Variants in ATP11C observed in about 807,000 individuals in gnomAD.
ATP11C encodes the protein phospholipid-transporting ATPase IG.
Under a neutral mutation model 97.4 loss-of-function variants are expected in ATP11C, and 36 were observed. That is an observed-to-expected ratio of 0.37 (90% CI 0.28 to 0.49). The LOEUF (loss-of-function observed/expected upper bound fraction) is 0.49. Ranked by LOEUF, ATP11C falls within the 20% of genes least tolerant of loss-of-function variation. The pLI, the probability that ATP11C is intolerant of heterozygous loss-of-function variation, is 0.98. For missense variants in ATP11C, 730 were observed against 824.6 expected (o/e 0.89, Z 1.40); for synonymous variants, 275 against 290.9 (o/e 0.95, Z 0.56).
rs1211279097 is a variant in ATP11C, at chrX:139,749,971, T to C, written c.2828+54A>G. The C allele has an allele frequency of 4.5e-5, 50 of 1,101,964 alleles. No homozygotes were observed. In the East Asian group the frequency reaches 1.5e-3, roughly 34 times the overall value. 90.8% of individuals were successfully genotyped at this position (1,101,964 alleles called of 1,213,427 possible). A position where few individuals can be genotyped will look rare whatever the true frequency, so the allele number is the denominator to read the frequency against. On this transcript the variant is annotated intron_variant, in intron 24 of 29. Transcript: ENST00000682941. ...GTGTTCTTCCCATCTGCAGATAAAA[T>C]GAAAATCACAACACTGAAAGTCTTA...
intron 1 of ATP11C, among the ~76,000 whole-genome samples, chrX:139,870,949 G>C (rs772603203): frequency 9.3e-6 from 1 of 106,979 alleles, no homozygotes; most frequent in African/African-American, 3.4e-5. Context: ...CCAGCTACTC[G>C]GGAGGCTGAG....
At chrX:139,776,830 A>G (rs113826303) in intron 18 of ATP11C, among the ~76,000 whole-genome samples, 7,133 of 111,487 alleles carry the variant, frequency 0.064, 564 homozygotes, top group African/African-American at 0.22. Flanking sequence ...TGCGGGAGGC[A>G]GTGTGTCAGC....
At chrX:139,772,529 T>C (rs111892511) in intron 19 of ATP11C, among the ~76,000 whole-genome samples, 68 of 111,527 alleles carry the variant, frequency 6.1e-4, no homozygotes, top group Non-Finnish European at 8.5e-4. Flanking sequence ...AATGCCAGCC[T>C]GTGAAAGCAG....
intron 3 of ATP11C, among the ~76,000 whole-genome samples, chrX:139,819,031 A>G (rs1021666563): frequency 8.9e-6 from 1 of 112,024 alleles, no homozygotes; most frequent in Non-Finnish European, 1.9e-5. Flanking sequence ...CAGTTTTGAT[A>G]TATTCCATTT....
intron 1 of ATP11C, among the ~76,000 whole-genome samples, chrX:139,839,667 A>C (rs774337036): frequency 5.4e-5 from 6 of 111,669 alleles, no homozygotes; most frequent in Non-Finnish European, 1.1e-4. Context: ...CTAGGACCAC[A>C]CAACAACCAT....
chrX:139,890,831 C>G (rs1371469667), intron 1 of ATP11C, among the ~76,000 whole-genome samples: 1 of 110,732 alleles, frequency 9.0e-6, no homozygotes, highest in African/African-American at 3.3e-5. Context: ...GAAAATCAGA[C>G]TTGTGATTTT....
At chrX:139,863,231 A>G (rs960911352) in intron 1 of ATP11C, among the ~76,000 whole-genome samples, 2 of 112,689 alleles carry the variant, frequency 1.8e-5, no homozygotes, top group South Asian at 3.7e-4. Context: ...CCTGAGAACT[A>G]TATTAAAATA....
At chrX:139,835,530 G>A (rs1331206175) in intron 1 of ATP11C, among the ~76,000 whole-genome samples, 1 of 109,531 alleles carries the variant, frequency 9.1e-6, no homozygotes, top group Non-Finnish European at 1.9e-5. Context: ...TCAGCCTCCT[G>A]AATAGCTGGG....
intron 18 of ATP11C, among the ~76,000 whole-genome samples, chrX:139,778,329 A>G (rs776670148): frequency 1.9e-3 from 216 of 112,109 alleles, no homozygotes; most frequent in Non-Finnish European, 3.0e-3. Context: ...ACACAGAAAC[A>G]AACGGATGAT....
chrX:139,869,619 TAA>T (rs72160192), intron 1 of ATP11C, among the ~76,000 whole-genome samples: 704 of 54,179 alleles, frequency 0.013, 12 homozygotes, highest in African/African-American at 0.04. Context: ...CCCTCTCTAC[TAA>T]AAAAAAAAAA....
At position 139,768,131 on chromosome X, in the gene ATP11C, C is replaced by A. The variant is rs748637404; in HGVS notation, c.2391+129G>T. 63 of 437,314 alleles carry A rather than the reference C, an allele frequency of 1.4e-4. No homozygotes were observed. In the Admixed American group the frequency reaches 3.0e-3, roughly 21 times the overall value. The allele number at this position is 437,314 out of a possible 1,213,427, so 36.0% of individuals were successfully genotyped here. On this transcript the variant is annotated intron_variant, in intron 20 of 29. Transcript: ENST00000682941. Reference sequence around the variant, plus strand: ...GAGTCTGATTACAAAAAGAAAGAAGCCTTGGAGGAAGAAATTAGATAGTAA... The same window carrying A: ...GAGTCTGATTACAAAAAGAAAGAAGACTTGGAGGAAGAAATTAGATAGTAA...
intron 1 of ATP11C, among the ~76,000 whole-genome samples, chrX:139,852,314 T>C (rs1196814540): frequency 9.4e-6 from 1 of 106,534 alleles, no homozygotes; most frequent in Non-Finnish European, 1.9e-5. Context: ...TGTGACAATT[T>C]GGGGGCCCAT....
At chrX:139,824,642 G>A (rs749659055) in intron 2 of ATP11C, among the ~76,000 whole-genome samples, 2 of 111,302 alleles carry the variant, frequency 1.8e-5, no homozygotes, top group East Asian at 2.8e-4. Flanking sequence ...AGCCAAGATC[G>A]CGCCACTGAA....
intron 1 of ATP11C, among the ~76,000 whole-genome samples, chrX:139,893,997 C>T (rs757554654): frequency 5.4e-5 from 6 of 110,767 alleles, no homozygotes; most frequent in East Asian, 2.8e-4. Flanking sequence ...ATACTTGATA[C>T]GACAGAATGG....
rs2081276674 is a variant in ATP11C, at chrX:139,727,861, T to C, written c.*1105A>G. ...ATGGTTTAGAGTTAGACCATTTCCC[T>C]GTCCAAGTTAAGAGACAACATTCAT... On this transcript the variant is annotated 3_prime_UTR_variant, in exon 30 of 30. Coordinates refer to ENST00000682941, the MANE Select transcript of ATP11C (RefSeq NM_001353812.2). 1 of 112,245 alleles carries C rather than the reference T, an allele frequency of 8.9e-6. No homozygotes were observed. The highest frequency in any genetic ancestry group is 3.7e-4 in the South Asian group (1 of 2,724). 9.3% of individuals were successfully genotyped at this position (112,245 alleles called of 1,213,427 possible).
intron 28 of ATP11C, among the ~76,000 whole-genome samples, chrX:139,732,890 T>C (rs1025394855): frequency 9.0e-6 from 1 of 111,725 alleles, no homozygotes; most frequent in Non-Finnish European, 1.9e-5. Context: ...TCAAAATCCA[T>C]TGGTCAAAGA....
Position 139,859,037 on chromosome X carries a change from T to A in ATP11C, c.28-32214A>T, listed in dbSNP as rs766417859. ...AACTTTAAGATAATTACATTTTTTT[T>A]AAATTCAAACATATGTTAAGCTGAT... On this transcript the variant is annotated intron_variant, in intron 1 of 29. Coordinates refer to ENST00000682941, the MANE Select transcript of ATP11C (RefSeq NM_001353812.2). Among the ~76,000 whole-genome samples, 10 of 112,585 alleles carry A rather than the reference T, an allele frequency of 8.9e-5. No homozygotes were observed. The East Asian group carries it at 1.9e-3, about 22-fold the overall frequency.
At chrX:139,886,836 T>G (rs907464662) in intron 1 of ATP11C, among the ~76,000 whole-genome samples, 18 of 111,027 alleles carry the variant, frequency 1.6e-4, no homozygotes, top group Non-Finnish European at 2.8e-4. Context: ...CCGTTTCTTT[T>G]TCAAAAATTT....
Position 139,932,901 on chromosome X carries a change from A to G in ATP11C, c.-859T>C, listed in dbSNP as rs2085466427. 1 of 111,029 alleles carries G rather than the reference A, an allele frequency of 9.0e-6. No individual in the cohort carries two copies. Among genetic ancestry groups the G allele is most frequent in the African/African-American group, 3.3e-5 (1 of 30,537 alleles). 9.2% of individuals were successfully genotyped at this position (111,029 alleles called of 1,213,427 possible). A position where few individuals can be genotyped will look rare whatever the true frequency, so the allele number is the denominator to read the frequency against. On this transcript the variant is annotated 5_prime_UTR_variant, in exon 1 of 30. It removes an upstream start codon present in the reference 5' UTR. Transcript: ENST00000682941. ...CTAGTTCTGAAAGCCCACCCTCCTC[A>G]TCTGCACCGACGAGGGTTCCCCCTC...
Sources: allele counts gnomAD v4.1 joint callset (sites outside exome capture counted in the v4.1 genomes callset), GRCh38; gene constraint gnomAD v4.1.1; transcripts MANE v1.5; gene names NCBI Gene and HGNC (gene_info 2026-07-23, HGNC 2026-07-21).